The following FERMT2 variants were observed in gnomAD, a reference collection of about 807,000 sequenced individuals.
The protein encoded by FERMT2 is FERM domain containing kindlin 2.
A neutral mutation model predicts 82.7 loss-of-function variants in FERMT2; 15 were observed. The observed-to-expected ratio is 0.18, with a 90% CI of 0.12 to 0.28. FERMT2 has a LOEUF of 0.28. FERMT2 is among the 10% of genes least tolerant of loss of function. The pLI is 1.00. For synonymous variants in FERMT2, 274 were observed against 271.5 expected, an observed-to-expected ratio of 1.01 and a Z score of -0.09; for missense variants, 645 against 809.4, an observed-to-expected ratio of 0.80 and a Z score of 2.46.
chr14:52,894,962 G>T (rs1476312345), intron 3 of FERMT2, among the ~76,000 whole-genome samples: 5 of 150,540 alleles, frequency 3.3e-5, no homozygotes, highest in Non-Finnish European at 7.4e-5. Context: ...CAAGCATACA[G>T]TGGGACAACA....
At chr14:52,907,115 C>A (rs549451732) in intron 3 of FERMT2, among the ~76,000 whole-genome samples, 1 of 152,132 alleles carries the variant, frequency 6.6e-6, no homozygotes, top group East Asian at 1.9e-4. Context: ...CAGGCTCAAG[C>A]GATCCTCCCC....
In FERMT2 at chr14:52,872,782, T is replaced by C. The variant is rs566946222; in HGVS notation, c.1273+17A>G. 1 of 1,613,200 alleles carries C rather than the reference T, an allele frequency of 6.2e-7. No homozygotes were observed. The highest frequency in any genetic ancestry group is 1.7e-5 in the Admixed American group (1 of 59,980). On this transcript the variant is annotated intron_variant, in intron 10 of 14. Transcript: ENST00000341590. ...GGGATGCCACCATCAACAACAGCCGTGCCAGGCTCTCCTTACCCCTGAGGT... is the reference window on the plus strand; with the variant it reads ...GGGATGCCACCATCAACAACAGCCGCGCCAGGCTCTCCTTACCCCTGAGGT...
chr14:52,915,759 A>G (rs1298192525), intron 3 of FERMT2, among the ~76,000 whole-genome samples: 1 of 152,224 alleles, frequency 6.6e-6, no homozygotes, highest in Non-Finnish European at 1.5e-5. Context: ...TAACTTCTAC[A>G]TGACCAAAAA....
chr14:52,926,632 CTT>C (rs1379280371), intron 2 of FERMT2, among the ~76,000 whole-genome samples: 2 of 151,936 alleles, frequency 1.3e-5, no homozygotes, highest in African/African-American at 4.8e-5. Flanking sequence ...TTCAGTATAT[CTT>C]ATATTTTAAA....
At chr14:52,878,234 T>C (rs939485154) in intron 7 of FERMT2, among the ~76,000 whole-genome samples, 16 of 152,306 alleles carry the variant, frequency 1.1e-4, no homozygotes, top group South Asian at 2.1e-4. Context: ...TCAGATTAGA[T>C]TTCAGAAATC....
intron 3 of FERMT2, among the ~76,000 whole-genome samples, chr14:52,907,536 G>A (rs1888084832): frequency 6.6e-6 from 1 of 152,062 alleles, no homozygotes; most frequent in African/African-American, 2.4e-5. Context: ...GTACTGTGGG[G>A]TTTAGCATAT....
At chr14:52,901,084 C>G (rs910575077) in intron 3 of FERMT2, among the ~76,000 whole-genome samples, 2 of 118,212 alleles carry the variant, frequency 1.7e-5, no homozygotes, top group African/African-American at 6.7e-5. Context: ...CGTGGTGAAA[C>G]CCCGGTCTCT....
chr14:52,864,881 G>T, intron 10 of FERMT2, 28 bp from the exon 11 acceptor site: 1 of 1,275,268 alleles, frequency 7.8e-7, no homozygotes, highest in Non-Finnish European at 1.1e-6. Context: ...TATTAAAATG[G>T]CTAAATTTAC....
intron 14 of FERMT2, chr14:52,858,799 T>C: frequency 2.6e-6 from 1 of 382,866 alleles, no homozygotes; most frequent in Non-Finnish European, 4.7e-6. Context: ...GGGTTTTAGG[T>C]CGTTCAGTTC....
intron 2 of FERMT2, among the ~76,000 whole-genome samples, chr14:52,939,192 TAAAAAAAAAAA>T (rs34395615): frequency 1.2e-5 from 1 of 86,046 alleles, no homozygotes; most frequent in African/African-American, 4.6e-5. Context: ...CCATCTCTAC[TAAAAAAAAAAA>T]AAAAAAAAAA....
In FERMT2 at chr14:52,893,407, G is replaced by T. The variant is rs1441426139; in HGVS notation, c.412C>A (p.Leu138Ile). 6.2e-7 allele frequency: 1 copy of T among 1,601,358 alleles called. No homozygotes were observed. Among genetic ancestry groups the T allele is most frequent in the East Asian group, 2.2e-5 (1 of 44,772 alleles). ...TCTCTGGGTTTCTTTAAGAGAGAAA[G>T]TTCTTCGGGGTGTCTGATATCTGTT... Reference protein sequence around the residue: ...KTFNIRHPEELSLLKKPRDPT... With the variant: ...KTFNIRHPEEISLLKKPRDPT... Residue 138 changes from leucine to isoleucine, a missense_variant, in exon 4 of 15, where the codon CTT becomes ATT. Leu to Ile is a conservative substitution (Grantham distance 5). Coordinates refer to ENST00000341590, the MANE Select transcript of FERMT2 (RefSeq NM_006832.3).
At chr14:52,865,871 A>G (rs1454723405) in intron 10 of FERMT2, among the ~76,000 whole-genome samples, 1 of 152,196 alleles carries the variant, frequency 6.6e-6, no homozygotes, top group African/African-American at 2.4e-5. Context: ...TCTCCTCCCC[A>G]GAAGCAACTC....
At chr14:52,885,750 T>C (rs1022977181) in intron 4 of FERMT2, among the ~76,000 whole-genome samples, 4 of 152,196 alleles carry the variant, frequency 2.6e-5, no homozygotes, top group Non-Finnish European at 4.4e-5. Flanking sequence ...TTATAAATTG[T>C]ATATTTTTTA....
At chr14:52,860,887 T>C in intron 12 of FERMT2, 1 of 734,328 alleles carries the variant, frequency 1.4e-6, no homozygotes, top group South Asian at 1.7e-5. Context: ...TTAAGGTACT[T>C]GAAATCACCA....
rs996146022 is a variant in FERMT2, at chr14:52,893,186, T to C, written c.526+107A>G. 7 of 1,072,696 alleles carry C rather than the reference T, an allele frequency of 6.5e-6. No homozygotes were observed. The African/African-American group carries it at 1.1e-4, about 18-fold the overall frequency. 66.4% of individuals were successfully genotyped at this position (1,072,696 alleles called of 1,614,324 possible). On this transcript the variant is annotated intron_variant, in intron 4 of 14. Coordinates refer to ENST00000341590, the MANE Select transcript of FERMT2 (RefSeq NM_006832.3). ...TAATTGAAGTTTTTGTTTTTTTAAC[T>C]TGACCACTCTTCCTGACCTACATGA...
At chr14:52,859,761 C>T in intron 13 of FERMT2, 47 bp from the exon 14 acceptor site, 4 of 1,164,456 alleles carry the variant, frequency 3.4e-6, no homozygotes, top group Non-Finnish European at 4.9e-6. Context: ...TGTGGGGGAA[C>T]ATGTTGGACT....
chr14:52,897,320 G>C (rs1887344110), intron 3 of FERMT2, among the ~76,000 whole-genome samples: 1 of 151,846 alleles, frequency 6.6e-6, no homozygotes, highest in Admixed American at 6.6e-5. Context: ...TTTTATTTCA[G>C]AATTCACTGG....
intron 3 of FERMT2, among the ~76,000 whole-genome samples, chr14:52,901,170 A>G (rs1368307142): frequency 6.9e-6 from 1 of 145,486 alleles, no homozygotes; most frequent in African/African-American, 2.5e-5. Flanking sequence ...AGTCCCAGCT[A>G]CTCCGGAGGC....
At chr14:52,897,990 A>AAC (rs1555369670) in intron 3 of FERMT2, among the ~76,000 whole-genome samples, 2 of 149,104 alleles carry the variant, frequency 1.3e-5, no homozygotes, top group Admixed American at 6.6e-5. Flanking sequence ...AAAAAAAAAA[A>AAC]AAAACAACCA....
Sources: gnomAD v4.1 joint callset for allele counts (sites outside exome capture counted in the v4.1 genomes callset) on GRCh38, gnomAD v4.1.1 for gene constraint, MANE v1.5 for transcripts, NCBI Gene and HGNC (gene_info 2026-07-23, HGNC 2026-07-21) for gene names.